DLG2: variants seen among roughly 807,000 people sequenced by gnomAD.
DLG2 encodes discs large MAGUK scaffold protein 2.
In DLG2, 45 loss-of-function variants were observed where a neutral mutation model predicts 132.5. The observed-to-expected ratio is 0.34, with a 90% CI of 0.27 to 0.44. DLG2 has a LOEUF of 0.44. Among genes scored for constraint, DLG2 ranks in the 20% least tolerant of loss-of-function variants. DLG2 has a pLI of 1.00. For synonymous variants in DLG2, 424 were observed against 419.6 expected (o/e 1.01, Z -0.13); for missense variants, 1,045 against 1,196.9 (o/e 0.87, Z 1.87).
chr11:83,733,847 GCTTTTAGTGTAA>G (rs1337915056), intron 18 of DLG2, among the ~76,000 whole-genome samples: 1 of 152,120 alleles, frequency 6.6e-6, no homozygotes, highest in African/African-American at 2.4e-5. Context: ...AGAAGTCTGG[GCTTTTAGTGTAA>G]CCATCACCCA....
At chr11:85,473,975 C>A (rs1049161032) in intron 3 of DLG2, among the ~76,000 whole-genome samples, 8 of 151,836 alleles carry the variant, frequency 5.3e-5, no homozygotes, top group Non-Finnish European at 7.4e-5. Context: ...CCAAATATAT[C>A]GGTAGCCTCA....
intron 6 of DLG2, among the ~76,000 whole-genome samples, chr11:85,000,732 C>A (rs2058132764): frequency 6.6e-6 from 1 of 152,038 alleles, no homozygotes; most frequent in Admixed American, 6.6e-5. Flanking sequence ...CATCATTAAC[C>A]ATATTTATAT....
chr11:83,498,636 T>C (rs1291327275), intron 21 of DLG2, among the ~76,000 whole-genome samples: 2 of 146,208 alleles, frequency 1.4e-5, no homozygotes, highest in African/African-American at 2.5e-5. Flanking sequence ...TACCTGAAGA[T>C]ACTGGAAAAG....
At chr11:84,021,858 C>CT (rs1469517180) in intron 11 of DLG2, among the ~76,000 whole-genome samples, 1 of 152,048 alleles carries the variant, frequency 6.6e-6, no homozygotes, top group Non-Finnish European at 1.5e-5. Context: ...AGCGATTCTC[C>CT]TGCCTCAGCC....
intron 3 of DLG2, among the ~76,000 whole-genome samples, chr11:85,400,071 A>C (rs2087891929): frequency 6.6e-6 from 1 of 151,942 alleles, no homozygotes; most frequent in Admixed American, 6.6e-5. Context: ...CAAAGAACTC[A>C]AACAAATTTA....
intron 3 of DLG2, among the ~76,000 whole-genome samples, chr11:85,406,550 G>A (rs1289122725): frequency 6.6e-6 from 1 of 151,804 alleles, no homozygotes. Flanking sequence ...CAACTTTAGT[G>A]GCTAAACCAT....
intron 4 of DLG2, among the ~76,000 whole-genome samples, chr11:85,215,611 T>C (rs1419294727): frequency 6.6e-6 from 1 of 152,126 alleles, no homozygotes; most frequent in Non-Finnish European, 1.5e-5. Context: ...TCCAGAAGAA[T>C]CTACATAACA....
rs148704986 is a variant in DLG2, at chr11:84,693,425, C to T, written c.358-158694G>A. ...ATGTCATGAAGGCAAAACTTGAGCC[C>T]TTGTGGCTAAACCAAGGCCTAAGAG... On this transcript the variant is annotated intron_variant, in intron 6 of 27. Coordinates refer to ENST00000376104, the MANE Select transcript of DLG2 (RefSeq NM_001142699.3). Among the ~76,000 whole-genome samples, 266 of 151,818 alleles carry T rather than the reference C, an allele frequency of 1.8e-3. 1 individual carries two copies. Among genetic ancestry groups the T allele is most frequent in the African/African-American group, 6.1e-3 (255 of 41,510 alleles).
chr11:83,887,129 A>G (rs2068137734), intron 15 of DLG2, among the ~76,000 whole-genome samples: 1 of 152,230 alleles, frequency 6.6e-6, no homozygotes, highest in South Asian at 2.1e-4. Flanking sequence ...AGAGACACAA[A>G]AAACCCTTCA....
intron 3 of DLG2, among the ~76,000 whole-genome samples, chr11:85,494,228 T>A (rs187984799): frequency 6.6e-6 from 1 of 152,348 alleles, no homozygotes; most frequent in African/African-American, 2.4e-5. Flanking sequence ...CAAACCTTAC[T>A]GTCTTTTATT....
At chr11:83,839,357 T>C (rs1371605633) in intron 16 of DLG2, among the ~76,000 whole-genome samples, 1 of 152,226 alleles carries the variant, frequency 6.6e-6, no homozygotes, top group East Asian at 1.9e-4. Flanking sequence ...TAAAATGTCC[T>C]AAGCACACTT....
chr11:83,751,492 G>A (rs1463122639), intron 18 of DLG2, among the ~76,000 whole-genome samples: 1 of 152,132 alleles, frequency 6.6e-6, no homozygotes, highest in Non-Finnish European at 1.5e-5. Context: ...CATAACCAAG[G>A]TGACCATTAG....
intron 6 of DLG2, among the ~76,000 whole-genome samples, chr11:84,657,989 T>G (rs925009161): frequency 6.6e-6 from 1 of 152,172 alleles, no homozygotes; most frequent in African/African-American, 2.4e-5. Context: ...TCTGCCTTCT[T>G]GGAAGCTTTG....
At chr11:83,973,571 T>C (rs1012636835) in intron 12 of DLG2, among the ~76,000 whole-genome samples, 1 of 152,058 alleles carries the variant, frequency 6.6e-6, no homozygotes, top group Non-Finnish European at 1.5e-5. Flanking sequence ...ACTGGCTTGA[T>C]AGAATGAGCA....
chr11:84,011,092 A>T (rs2094864683), intron 11 of DLG2, among the ~76,000 whole-genome samples: 1 of 152,152 alleles, frequency 6.6e-6, no homozygotes, highest in African/African-American at 2.4e-5. Context: ...AATAAAAAAT[A>T]AAACAGGTTG....
intron 6 of DLG2, among the ~76,000 whole-genome samples, chr11:84,714,647 T>TTCTCTCTCTCTCTCTCTCTCTCTCTTTC (rs2060985287): frequency 2.2e-5 from 2 of 90,646 alleles, no homozygotes; most frequent in African/African-American, 1.2e-4. Flanking sequence ...CTCTCTCTCT[T>TTCTCTCTCTCTCTCTCTCTCTCTCTTTC]TCTCTCTCTC....
intron 16 of DLG2, among the ~76,000 whole-genome samples, chr11:83,842,546 A>AT (rs1435738158): frequency 7.3e-6 from 1 of 136,620 alleles, no homozygotes. Flanking sequence ...AAAAAAAAAA[A>AT]GGCCGGGCAC....
intron 3 of DLG2, among the ~76,000 whole-genome samples, chr11:85,448,028 T>C (rs1169173605): frequency 6.6e-6 from 1 of 152,200 alleles, no homozygotes; most frequent in Non-Finnish European, 1.5e-5. Flanking sequence ...AGTAGCTAGC[T>C]GACTCTGGGC....
chr11:84,156,278 C>T (rs531939604), intron 9 of DLG2, among the ~76,000 whole-genome samples: 1 of 152,254 alleles, frequency 6.6e-6, no homozygotes, highest in African/African-American at 2.4e-5. Flanking sequence ...TAAGTCAAGT[C>T]CATGTCTTTG....
Sources: allele counts gnomAD v4.1 joint callset (sites outside exome capture counted in the v4.1 genomes callset), GRCh38; gene constraint gnomAD v4.1.1; transcripts MANE v1.5; gene names NCBI Gene and HGNC (gene_info 2026-07-23, HGNC 2026-07-21).